RSBN1: variants seen among roughly 807,000 people sequenced by gnomAD.
RSBN1 encodes lysine-specific demethylase 9.
A neutral mutation model predicts 74.8 loss-of-function variants in RSBN1; 23 were observed. The observed-to-expected ratio is 0.31, with a 90% confidence interval of 0.22 to 0.44. The LOEUF (loss-of-function observed/expected upper bound fraction) is 0.44, where lower values mean the gene tolerates loss of function less well. Ranked by LOEUF, RSBN1 falls within the 20% of genes least tolerant of loss-of-function variation. The pLI, the probability that RSBN1 is intolerant of heterozygous loss-of-function variation, is 1.00. For missense variants in RSBN1, 808 were observed against 1,020.9 expected, an observed-to-expected ratio of 0.79 and a Z score of 2.84; for synonymous variants, 407 against 379.6, an observed-to-expected ratio of 1.07 and a Z score of -0.84.
intron 2 of RSBN1, among the ~76,000 whole-genome samples, chr1:113,785,066 A>C (rs564394628): frequency 5.4e-4 from 82 of 152,312 alleles, no homozygotes; most frequent in Middle Eastern, 3.4e-3. Context: ...CACATTGTAC[A>C]GCTATACAAA....
In RSBN1 at chr1:113,811,707, C is replaced by T; in HGVS notation, c.703+3G>A. ...CCAAGCCGGGCAGTTTGCCTGCTCT[C>T]ACCTCTCTTGGGGGCTTTGATCAGA... On this transcript the variant is annotated splice_donor_region_variant and intron_variant, in intron 1 of 6. Coordinates refer to ENST00000261441, the MANE Select transcript of RSBN1 (RefSeq NM_018364.5). 2 of 1,578,364 alleles carry T rather than the reference C, an allele frequency of 1.3e-6. No homozygotes were observed. Among genetic ancestry groups the T allele is most frequent in the Non-Finnish European group, 1.7e-6 (2 of 1,158,826 alleles).
intron 2 of RSBN1, among the ~76,000 whole-genome samples, chr1:113,783,480 A>T (rs1446164225): frequency 6.6e-6 from 1 of 152,044 alleles, no homozygotes; most frequent in Non-Finnish European, 1.5e-5. Context: ...AGAGAAAAAA[A>T]TAGATAAAAC....
chr1:113,768,320 T>G lies in RSBN1; in HGVS notation c.1728A>C (p.Glu576Asp). ...GATCAGCATGAGCTCTAGTCCTATC[T>G]TCAAAGAGAACTTCGCGGGGTTCAC... ...RTSEPREVLFEDRTRAHADHV... is the reference protein window; with the variant it reads ...RTSEPREVLFDDRTRAHADHV... The change falls in exon 5 of 7, where the codon GAA (glutamate) becomes GAC (aspartate). Residue 576 changes from glutamate (E) to aspartate (D), a missense_variant. Physicochemically the swap from Glu to Asp is conservative, Grantham distance 45 (BLOSUM62 2). Around this residue, in one of 6 missense-constraint regions of RSBN1, gnomAD observed 112 missense variants for 257.3 expected, o/e 0.44. Coordinates refer to ENST00000261441, the MANE Select transcript of RSBN1 (RefSeq NM_018364.5). The G allele has an allele frequency of 6.2e-7, 1 of 1,613,396 alleles. No homozygotes were observed. The highest frequency in any genetic ancestry group is 8.5e-7 in the Non-Finnish European group (1 of 1,179,546).
intron 1 of RSBN1, among the ~76,000 whole-genome samples, chr1:113,802,547 T>C (rs1660606187): frequency 6.6e-6 from 1 of 152,146 alleles, no homozygotes; most frequent in Non-Finnish European, 1.5e-5. Context: ...CATTTGTGAA[T>C]CATTGTATGT....
Position 113,812,442 on chromosome 1 carries a change from C to T in RSBN1, c.-30G>A. On this transcript the variant is annotated 5_prime_UTR_variant, in exon 1 of 7. Transcript: ENST00000261441. ...GAAGCGGCCGTTCCCAGCTTTTCTC[C>T]GCAGGCCTCTCCAACCGAGCTTCTA... 2 of 1,556,006 alleles carry T rather than the reference C, an allele frequency of 1.3e-6. No homozygotes were observed. The highest frequency in any genetic ancestry group is 1.9e-5 in the Admixed American group (1 of 52,782).
chr1:113,794,459 G>GTC (rs1163153014), intron 2 of RSBN1, among the ~76,000 whole-genome samples: 17 of 151,728 alleles, frequency 1.1e-4, no homozygotes, highest in Admixed American at 3.3e-4. Context: ...TCCTAATCAT[G>GTC]TCTCTCTCTC....
chr1:113,765,408 CTT>C lies in RSBN1; in HGVS notation c.*570_*571del, dbSNP rs1244804296. 1 of 152,422 alleles carries C rather than the reference CTT, an allele frequency of 6.6e-6. No individual in the cohort carries two copies. Among genetic ancestry groups the C allele is most frequent in the Non-Finnish European group, 1.5e-5 (1 of 68,132 alleles). 9.4% of individuals were successfully genotyped at this position (152,422 alleles called of 1,614,324 possible). A position where few individuals can be genotyped will look rare whatever the true frequency, so the allele number is the denominator to read the frequency against. ...ACAGTTTGGATCAGAAAGTGCTGTG[CTT>C]TCTCTTTTGTTAAGAAACCAGAGAG... On this transcript the variant is annotated 3_prime_UTR_variant, in exon 7 of 7. Transcript: ENST00000261441.
chr1:113,776,835 G>C (rs1012370179), intron 4 of RSBN1, among the ~76,000 whole-genome samples: 4 of 146,286 alleles, frequency 2.7e-5, no homozygotes, highest in Non-Finnish European at 4.5e-5. Context: ...AAAAAAAATA[G>C]TGCAAAAGCA....
Position 113,766,035 on chromosome 1 carries a change from C to T in RSBN1, c.2354G>A (p.Arg785Lys). ...QPIPVLKVES[R>K]LDSDQQHNLQ... Reference sequence around the variant, plus strand: ...ATTGTGTTGCTGGTCAGAGTCCAGTCTACTTTCCACTTTTAAAACTGGAAT... The same window carrying T: ...ATTGTGTTGCTGGTCAGAGTCCAGTTTACTTTCCACTTTTAAAACTGGAAT... Residue 785 changes from arginine (R) to lysine (K), a missense_variant, in exon 7 of 7, where the codon AGA (arginine) becomes AAA (lysine). This residue lies in a region of RSBN1 where 91 missense variants were observed against 99.6 expected (regional missense o/e 0.91). Transcript: ENST00000261441. The T allele has an allele frequency of 6.2e-7, 1 of 1,614,056 alleles. No homozygotes were observed. The highest frequency in any genetic ancestry group is 1.6e-4 in the Middle Eastern group (1 of 6,062).
intron 1 of RSBN1, among the ~76,000 whole-genome samples, chr1:113,802,550 T>C (rs1660606319): frequency 6.6e-6 from 1 of 152,172 alleles, no homozygotes; most frequent in African/African-American, 2.4e-5. Flanking sequence ...TTGTGAATCA[T>C]TGTATGTTTT....
intron 4 of RSBN1, among the ~76,000 whole-genome samples, chr1:113,776,426 T>C (rs556481030): frequency 6.6e-6 from 1 of 152,328 alleles, no homozygotes; most frequent in African/African-American, 2.4e-5. Context: ...GATCTTGTCG[T>C]GGAGTCCTGG....
In RSBN1 at chr1:113,765,435, G is replaced by A. The variant is rs927456570; in HGVS notation, c.*545C>T. 9 of 152,836 alleles carry A rather than the reference G, an allele frequency of 5.9e-5. No individual in the cohort carries two copies. Among genetic ancestry groups the A allele is most frequent in the African/African-American group, 1.9e-4 (8 of 41,526 alleles). The allele number at this position is 152,836 out of a possible 1,614,324, so 9.5% of individuals were successfully genotyped here. ...TTCTCTTTTGTTAAGAAACCAGAGA[G>A]CCACTGAAATTTCCTTGGAAACTAC... On this transcript the variant is annotated 3_prime_UTR_variant, in exon 7 of 7. Coordinates refer to ENST00000261441, the MANE Select transcript of RSBN1 (RefSeq NM_018364.5).
rs539024285 is a variant in RSBN1 at position 113,772,049 on chromosome 1, A to G, written c.1659-3660T>C. Among the ~76,000 whole-genome samples, 10 of 152,274 alleles carry G rather than the reference A, an allele frequency of 6.6e-5. No individual in the cohort carries two copies. The East Asian group carries it at 1.9e-3, about 29-fold the overall frequency. ...GCATATTCTTCCTTTGAGTGATGATATAACATTGAAACCTTAGAATATGAA... is the reference window on the plus strand; with the variant it reads ...GCATATTCTTCCTTTGAGTGATGATGTAACATTGAAACCTTAGAATATGAA... On this transcript the variant is annotated intron_variant, in intron 4 of 6. Transcript: ENST00000261441.
chr1:113,772,066 G>A (rs186578320), intron 4 of RSBN1, among the ~76,000 whole-genome samples: 220 of 152,160 alleles, frequency 1.4e-3, no homozygotes, highest in African/African-American at 5.2e-3. Flanking sequence ...TGAAACCTTA[G>A]AATATGAATT....
intron 1 of RSBN1, among the ~76,000 whole-genome samples, chr1:113,804,882 T>C (rs1218243860): frequency 6.4e-5 from 9 of 139,936 alleles, no homozygotes; most frequent in Admixed American, 5.2e-4. Flanking sequence ...CACTCGGTGA[T>C]AGCAGTTAGG....
chr1:113,806,306 G>C (rs1660698060), intron 1 of RSBN1, among the ~76,000 whole-genome samples: 1 of 150,534 alleles, frequency 6.6e-6, no homozygotes, highest in African/African-American at 2.4e-5. Context: ...CTGCACTCCA[G>C]CCTGGCACAG....
intron 4 of RSBN1, 90 bp downstream of exon 4, chr1:113,777,120 A>C (rs1660048383): frequency 8.2e-7 from 1 of 1,220,598 alleles, no homozygotes; most frequent in African/African-American, 1.5e-5. Flanking sequence ...AAGGGAGCCC[A>C]AGACAAATGG....
Position 113,777,660 on chromosome 1 carries a change from TTAAC to T in RSBN1, c.1515+7_1515+10del. 6.2e-7 allele frequency: 1 copy of T among 1,606,436 alleles called. No individual in the cohort carries two copies. The highest frequency in any genetic ancestry group is 8.5e-7 in the Non-Finnish European group (1 of 1,174,880). The stretch of plus-strand genomic sequence containing the variant: ...AAGATCAAAACTTTAATAATCTTAA[TTAAC>T]ACTCACTTTCAGAAATGGTGATTCT... On this transcript the variant is annotated splice_region_variant and intron_variant, in intron 3 of 6. Coordinates refer to ENST00000261441, the MANE Select transcript of RSBN1 (RefSeq NM_018364.5).
intron 2 of RSBN1, among the ~76,000 whole-genome samples, chr1:113,795,481 C>T (rs1015088858): frequency 6.6e-6 from 1 of 152,088 alleles, no homozygotes; most frequent in Admixed American, 6.6e-5. Context: ...AAAGTTTAGT[C>T]GGCTAATCCA....
Sources: allele counts gnomAD v4.1 joint callset (sites outside exome capture counted in the v4.1 genomes callset), GRCh38; gene constraint gnomAD v4.1.1; regional missense constraint gnomAD v4.1.1; transcripts MANE v1.5; gene names NCBI Gene and HGNC (gene_info 2026-07-23, HGNC 2026-07-21).